Variants in PRDM6 observed in about 807,000 individuals in gnomAD.
PRDM6 encodes the protein PR/SET domain 6.
Under a neutral mutation model 60.8 loss-of-function variants are expected in PRDM6, and 25 were observed. That is an observed-to-expected ratio of 0.41 (90% CI 0.30 to 0.57). PRDM6 has a LOEUF of 0.57. Ranked by LOEUF, PRDM6 falls within the 20% of genes least tolerant of loss-of-function variation. The pLI, the probability that PRDM6 is intolerant of heterozygous loss-of-function variation, is 0.27. For missense variants in PRDM6, 839 were observed against 821.3 expected (o/e 1.02, Z -0.26); for synonymous variants, 407 against 357.4 (o/e 1.14, Z -1.57).
In PRDM6 at chr5:123,091,192, C is replaced by T. The variant is rs115921357; in HGVS notation, c.592+586C>T. ...ATTTTAGATGAAACTGAGTCCGTTT[C>T]TCCTTGAAGGCAGGCAGTATTCTTA... On this transcript the variant is annotated intron_variant, in intron 2 of 7. Transcript: ENST00000407847. 2.6e-3 allele frequency among the ~76,000 whole-genome samples: 397 copies of T among 152,220 alleles called. 2 individuals are homozygous for T. The highest frequency in any genetic ancestry group is 9.0e-3 in the African/African-American group (375 of 41,528).
intron 2 of PRDM6, among the ~76,000 whole-genome samples, chr5:123,098,496 C>T (rs1764012946): frequency 6.6e-6 from 1 of 152,266 alleles, no homozygotes; most frequent in Non-Finnish European, 1.5e-5. Flanking sequence ...TCCGACAGCG[C>T]AGTCGCCACA....
chr5:123,170,561 T>A (rs989637664), intron 5 of PRDM6, among the ~76,000 whole-genome samples: 7 of 152,360 alleles, frequency 4.6e-5, no homozygotes, highest in African/African-American at 1.7e-4. Flanking sequence ...AGCATACAGT[T>A]GCTTCATAAA....
chr5:123,132,342 A>G (rs1245189480), intron 3 of PRDM6, among the ~76,000 whole-genome samples: 3 of 152,068 alleles, frequency 2.0e-5, no homozygotes, highest in Non-Finnish European at 2.9e-5. Context: ...AAAGTTATCA[A>G]TTTTCACATA....
intron 3 of PRDM6, among the ~76,000 whole-genome samples, chr5:123,108,132 A>G (rs531895148): frequency 6.6e-6 from 1 of 152,164 alleles, no homozygotes; most frequent in Non-Finnish European, 1.5e-5. Flanking sequence ...CAATTGTGAA[A>G]TAATGATATG....
chr5:123,133,513 A>G (rs1764882541), intron 3 of PRDM6, among the ~76,000 whole-genome samples: 1 of 152,144 alleles, frequency 6.6e-6, no homozygotes, highest in Admixed American at 6.5e-5. Flanking sequence ...TAGCATTGCA[A>G]ATACAATCCA....
In PRDM6 at chr5:123,099,525, A is replaced by C; in HGVS notation, c.593-129A>C. On this transcript the variant is annotated intron_variant, in intron 2 of 7. Transcript: ENST00000407847. This position sits in a 1 kb window ranked among gnomAD's most constrained non-coding sequence, Gnocchi z 4.0. The stretch of plus-strand genomic sequence containing the variant: ...GTTGCTTCGGTGCCCCCAAGGCATC[A>C]CCTTCCTCGAAGGTGGCTTACCCAG... 1.2e-6 allele frequency: 1 copy of C among 812,084 alleles called. No homozygotes were observed. Among genetic ancestry groups the C allele is most frequent in the Non-Finnish European group, 1.8e-6 (1 of 548,086 alleles). The allele number at this position is 812,084 out of a possible 1,614,324, so 50.3% of individuals were successfully genotyped here.
intron 3 of PRDM6, among the ~76,000 whole-genome samples, chr5:123,115,109 G>C (rs145706332): frequency 6.6e-6 from 1 of 152,302 alleles, no homozygotes; most frequent in African/African-American, 2.4e-5. Context: ...ACCTGTGTGA[G>C]TCAGATCTGC....
intron 4 of PRDM6, among the ~76,000 whole-genome samples, chr5:123,157,174 A>C (rs1421672136): frequency 6.6e-6 from 1 of 152,062 alleles, no homozygotes; most frequent in African/African-American, 2.4e-5. Flanking sequence ...AATTAAAAAA[A>C]ATGTGGGCAG....
intron 3 of PRDM6, among the ~76,000 whole-genome samples, chr5:123,119,706 A>G (rs764603820): frequency 2.4e-4 from 37 of 152,208 alleles, no homozygotes; most frequent in Non-Finnish European, 4.3e-4. Flanking sequence ...CTGATAATCT[A>G]TAATTTTCTG....
At chr5:123,102,022 G>C (rs1005701830) in intron 3 of PRDM6, among the ~76,000 whole-genome samples, 8 of 152,096 alleles carry the variant, frequency 5.3e-5, no homozygotes, top group African/African-American at 1.4e-4. Context: ...TTAGAAAAAA[G>C]ACTTGCTGGG....
At chr5:123,090,666 C>A in intron 2 of PRDM6, 60 bp downstream of exon 2, 2 of 974,016 alleles carry the variant, frequency 2.1e-6, no homozygotes, top group Non-Finnish European at 2.6e-6. Context: ...CCGGCGGGCG[C>A]GGGTGCCTGT....
intron 3 of PRDM6, among the ~76,000 whole-genome samples, chr5:123,154,898 A>T (rs1246740143): frequency 6.6e-6 from 1 of 152,108 alleles, no homozygotes; most frequent in Non-Finnish European, 1.5e-5. Flanking sequence ...TGCTTCCTGG[A>T]TGGCCCCAGG....
chr5:123,152,495 T>G (rs1226917332), intron 3 of PRDM6, among the ~76,000 whole-genome samples: 1 of 152,188 alleles, frequency 6.6e-6, no homozygotes, highest in Admixed American at 6.5e-5. Flanking sequence ...GAATTTAGCC[T>G]GAGAGCCACT....
At chr5:123,120,376 A>T (rs1434036167) in intron 3 of PRDM6, among the ~76,000 whole-genome samples, 1 of 152,094 alleles carries the variant, frequency 6.6e-6, no homozygotes, top group Non-Finnish European at 1.5e-5. Flanking sequence ...TCATGATGTG[A>T]TGTTTGTCCT....
intron 3 of PRDM6, among the ~76,000 whole-genome samples, chr5:123,123,562 A>G (rs1048243185): frequency 3.9e-5 from 6 of 152,176 alleles, no homozygotes; most frequent in South Asian, 2.1e-4. Context: ...AACTTTCTCA[A>G]TTGTCTTTGG....
At chr5:123,141,125 C>A (rs1580512087) in intron 3 of PRDM6, among the ~76,000 whole-genome samples, 1 of 152,078 alleles carries the variant, frequency 6.6e-6, no homozygotes, top group East Asian at 1.9e-4. Flanking sequence ...TATATCCCAA[C>A]TCAACATTAT....
intron 3 of PRDM6, among the ~76,000 whole-genome samples, chr5:123,126,269 T>C (rs1764692165): frequency 6.6e-6 from 1 of 152,142 alleles, no homozygotes; most frequent in Admixed American, 6.5e-5. Flanking sequence ...GGACAGAGGC[T>C]GCCTCCAGGG....
chr5:123,169,889 C>T (rs1053534933), intron 5 of PRDM6, among the ~76,000 whole-genome samples: 1 of 152,170 alleles, frequency 6.6e-6, no homozygotes, highest in Non-Finnish European at 1.5e-5. Flanking sequence ...AGGATTTGAA[C>T]CTAGGTCTTT....
intron 6 of PRDM6, among the ~76,000 whole-genome samples, chr5:123,179,181 A>G (rs994515139): frequency 6.6e-6 from 1 of 152,234 alleles, no homozygotes. Context: ...AATCTATTTT[A>G]TGAAAACCAA....
Sources: allele counts gnomAD v4.1 joint callset (sites outside exome capture counted in the v4.1 genomes callset), GRCh38; gene constraint gnomAD v4.1.1; non-coding constraint Gnocchi (gnomAD v3.1); transcripts MANE v1.5; gene names NCBI Gene and HGNC (gene_info 2026-07-23, HGNC 2026-07-21).